The following CRISP1 variants were observed in gnomAD, a reference collection of about 807,000 sequenced individuals.
CRISP1 encodes cysteine rich secretory protein 1.
In CRISP1, 44 loss-of-function variants were observed where a neutral mutation model predicts 33.1. The observed-to-expected ratio is 1.33, with a 90% CI of 1.05 to 1.71. The LOEUF (loss-of-function observed/expected upper bound fraction) is 1.71, where lower values mean the gene tolerates loss of function less well. Ranked by LOEUF, CRISP1 falls within the 40% of genes most tolerant of loss-of-function variation. CRISP1 has a pLI of 0.00. For missense variants in CRISP1, 390 were observed against 301.2 expected (o/e 1.29, Z -2.18); for synonymous variants, 103 against 98.7 (o/e 1.04, Z -0.26).
intron 6 of CRISP1, among the ~76,000 whole-genome samples, chr6:49,838,832 G>A (rs547207958): frequency 2.3e-3 from 356 of 152,254 alleles, no homozygotes; most frequent in South Asian, 7.5e-3. Context: ...GGACTCACAA[G>A]CAAGAGGGCT....
intron 2 of CRISP1, among the ~76,000 whole-genome samples, chr6:49,855,646 A>T (rs1048288541): frequency 1.3e-5 from 2 of 152,152 alleles, no homozygotes; most frequent in African/African-American, 4.8e-5. Flanking sequence ...AACTCTCTAT[A>T]GTTTTCCTCA....
chr6:49,859,989 A>T (rs538694830), intron 1 of CRISP1, among the ~76,000 whole-genome samples: 10 of 152,282 alleles, frequency 6.6e-5, no homozygotes, highest in South Asian at 4.1e-4. Context: ...TATAAGATAA[A>T]ACAGACTTTA....
At chr6:49,852,945 G>A (rs1258607327) in intron 2 of CRISP1, among the ~76,000 whole-genome samples, 1 of 151,842 alleles carries the variant, frequency 6.6e-6, no homozygotes, top group African/African-American at 2.4e-5. Flanking sequence ...GTACTATAAT[G>A]TGAGGGGTGT....
At chr6:49,856,238 G>A (rs1265884725) in intron 2 of CRISP1, among the ~76,000 whole-genome samples, 2 of 152,102 alleles carry the variant, frequency 1.3e-5, no homozygotes, top group African/African-American at 4.8e-5. Flanking sequence ...GGCCTAAGTG[G>A]TCTAAACAGC....
At chr6:49,870,334 A>T (rs1271674740), upstream of CRISP1, among the ~76,000 whole-genome samples, 1 of 152,164 alleles carries the variant, frequency 6.6e-6, no homozygotes, top group East Asian at 1.9e-4. Context: ...TCCAAAGTTG[A>T]GGGTAGGGTG....
chr6:49,869,827 G>T (rs13203286), upstream of CRISP1, among the ~76,000 whole-genome samples: 5,367 of 152,210 alleles, frequency 0.035, 131 homozygotes, highest in Non-Finnish European at 0.053. Flanking sequence ...AGGGCCTTTT[G>T]GGAAAGACTA....
chr6:49,850,970 G>A (rs527499997), intron 3 of CRISP1, among the ~76,000 whole-genome samples: 26 of 152,126 alleles, frequency 1.7e-4, no homozygotes, highest in Non-Finnish European at 2.2e-4. Context: ...TAGGTTCAGT[G>A]TCATAATATG....
intron 2 of CRISP1, 135 bp from the exon 3 acceptor site, chr6:49,852,264 G>A (rs769326702): frequency 1.1e-5 from 8 of 761,716 alleles, no homozygotes; most frequent in African/African-American, 1.8e-5. Flanking sequence ...AATTTATAAT[G>A]TCTCATTATA....
intron 3 of CRISP1, among the ~76,000 whole-genome samples, chr6:49,848,593 T>C (rs1360678158): frequency 6.6e-6 from 1 of 152,164 alleles, no homozygotes; most frequent in Non-Finnish European, 1.5e-5. Context: ...AGACCAGAGT[T>C]ACTTAGTAAT....
chr6:49,837,972 A>G (rs1051613671), intron 7 of CRISP1, among the ~76,000 whole-genome samples: 3 of 152,146 alleles, frequency 2.0e-5, no homozygotes, highest in Non-Finnish European at 4.4e-5. Context: ...ACAGGAACCA[A>G]AGAAGAATAA....
At chr6:49,875,972 T>C (rs1177777905) in intron 1 of CRISP1, among the ~76,000 whole-genome samples, 1 of 152,080 alleles carries the variant, frequency 6.6e-6, no homozygotes, top group Non-Finnish European at 1.5e-5. Flanking sequence ...AACACCATTC[T>C]AGCCATAGGC....
intron 5 of CRISP1, among the ~76,000 whole-genome samples, chr6:49,842,697 C>A (rs532682147): frequency 6.6e-6 from 1 of 152,168 alleles, no homozygotes; most frequent in Non-Finnish European, 1.5e-5. Context: ...CCCTTCCCTG[C>A]GCTCAGCTGC....
At chr6:49,844,390 T>C (rs1353286580) in intron 5 of CRISP1, among the ~76,000 whole-genome samples, 2 of 152,150 alleles carry the variant, frequency 1.3e-5, no homozygotes, top group Non-Finnish European at 2.9e-5. Flanking sequence ...GCTTTATCTT[T>C]CAAGAAAAGG....
chr6:49,848,160 AT>A (rs373553362), intron 4 of CRISP1, 48 bp downstream of exon 4: 167,950 of 873,164 alleles, frequency 0.19, 4 homozygotes, highest in East Asian at 0.34. Flanking sequence ...CTGTTTTACT[AT>A]TTTTTTTTTT....
intron 4 of CRISP1, among the ~76,000 whole-genome samples, 200 bp from the exon 5 acceptor site, chr6:49,846,868 G>A (rs920604487): frequency 7.2e-5 from 11 of 152,092 alleles, no homozygotes; most frequent in Non-Finnish European, 1.0e-4. Flanking sequence ...TTGGTGAAAC[G>A]TTGATAGTAG....
chr6:49,850,194 A>G (rs1771308019), intron 3 of CRISP1, among the ~76,000 whole-genome samples: 2 of 152,020 alleles, frequency 1.3e-5, no homozygotes, highest in East Asian at 1.9e-4. Flanking sequence ...ACATGTATAC[A>G]TATGTAACTA....
chr6:49,837,782 T>C (rs1036299911), intron 7 of CRISP1, among the ~76,000 whole-genome samples: 2 of 152,040 alleles, frequency 1.3e-5, no homozygotes, highest in Non-Finnish European at 2.9e-5. Context: ...TTCCTAGAAA[T>C]TAAGAAATTA....
At position 49,838,473 on chromosome 6, in the gene CRISP1, C is replaced by T; in HGVS notation, c.586G>A (p.Glu196Lys). Residue 196 changes from glutamate (E) to lysine (K), a missense_variant, in exon 7 of 8, where the codon GAA (glutamate) becomes AAA (lysine). Transcript: ENST00000335847. Reference sequence around the variant, plus strand: ...TCTTCACAGTTACTTGGGCAGGCTTCACATGGGACGCCTGTCTTATAAGGT... The same window carrying T: ...TCTTCACAGTTACTTGGGCAGGCTTTACATGGGACGCCTGTCTTATAAGGT... Reference protein sequence around the residue: ...NEPYKTGVPCEACPSNCEDKL... With the variant: ...NEPYKTGVPCKACPSNCEDKL... 1 of 1,613,526 alleles carries T rather than the reference C, an allele frequency of 6.2e-7. No individual in the cohort carries two copies. Among genetic ancestry groups the T allele is most frequent in the Admixed American group, 1.7e-5 (1 of 59,960 alleles).
chr6:49,836,798 T>C (rs1309998367), intron 7 of CRISP1, among the ~76,000 whole-genome samples: 1 of 152,180 alleles, frequency 6.6e-6, no homozygotes, highest in Non-Finnish European at 1.5e-5. Context: ...AACAAGGAGA[T>C]GAAATATGGA....
Sources: gnomAD v4.1 joint callset for allele counts (sites outside exome capture counted in the v4.1 genomes callset) on GRCh38, gnomAD v4.1.1 for gene constraint, MANE v1.5 for transcripts, NCBI Gene and HGNC (gene_info 2026-07-23, HGNC 2026-07-21) for gene names.